Variants in SPSB4 observed in about 807,000 individuals in gnomAD.
SPSB4 encodes SPRY domain-containing SOCS box protein 4.
SPSB4 carries 21 observed loss-of-function variants against 20.9 expected under a neutral mutation model. The observed-to-expected ratio is 1.01, with a 90% CI of 0.71 to 1.45. SPSB4 has a LOEUF of 1.45. SPSB4 is among the 40% of genes most tolerant of loss of function. The pLI is 0.00. For missense variants in SPSB4, 399 were observed against 399.2 expected (o/e 1.00, Z 0.00); for synonymous variants, 207 against 183.8 (o/e 1.13, Z -1.02).
intron 2 of SPSB4, chr3:141,076,887 T>G (rs1210210855): frequency 6.6e-6 from 1 of 152,280 alleles, no homozygotes; most frequent in African/African-American, 2.4e-5. Context: ...CTCTGAACTC[T>G]TCTGACTTGC....
chr3:141,142,623 G>A (rs1490480044), intron 2 of SPSB4, among the ~76,000 whole-genome samples: 2 of 152,020 alleles, frequency 1.3e-5, no homozygotes, highest in Non-Finnish European at 2.9e-5. Context: ...GAACTGTCTA[G>A]TGCTGTCAGT....
chr3:141,141,903 G>T (rs1422726243), intron 2 of SPSB4, among the ~76,000 whole-genome samples: 1 of 151,916 alleles, frequency 6.6e-6, no homozygotes, highest in Non-Finnish European at 1.5e-5. Context: ...CTCCTGTTTT[G>T]TTTCTAATTG....
intron 2 of SPSB4, among the ~76,000 whole-genome samples, chr3:141,098,989 A>G (rs1048927825): frequency 2.0e-5 from 3 of 152,152 alleles, no homozygotes; most frequent in South Asian, 2.1e-4. Flanking sequence ...ATGGGGCCAG[A>G]CATCCTTTTA....
intron 2 of SPSB4, among the ~76,000 whole-genome samples, chr3:141,121,984 G>A (rs754296613): frequency 3.3e-5 from 5 of 152,164 alleles, no homozygotes; most frequent in Non-Finnish European, 7.3e-5. Context: ...TCCTTTAGAG[G>A]AGAAGAGACG....
intron 2 of SPSB4, among the ~76,000 whole-genome samples, chr3:141,124,846 A>G (rs1939026332): frequency 6.6e-6 from 1 of 152,138 alleles, no homozygotes; most frequent in Non-Finnish European, 1.5e-5. Flanking sequence ...GTGTATTAGA[A>G]TCACTCAGAT....
At chr3:141,113,657 G>A (rs1230001543) in intron 2 of SPSB4, among the ~76,000 whole-genome samples, 1 of 152,182 alleles carries the variant, frequency 6.6e-6, no homozygotes, top group East Asian at 1.9e-4. Flanking sequence ...GGTTTCCAGG[G>A]TCTGGGGAAT....
At chr3:141,086,327 C>T (rs1398279372) in intron 2 of SPSB4, among the ~76,000 whole-genome samples, 1 of 152,172 alleles carries the variant, frequency 6.6e-6, no homozygotes, top group Non-Finnish European at 1.5e-5. Flanking sequence ...CAATTAGGTG[C>T]AGAGTTTATG....
At chr3:141,058,823 A>T (rs1309042114) in intron 1 of SPSB4, among the ~76,000 whole-genome samples, 2 of 152,156 alleles carry the variant, frequency 1.3e-5, no homozygotes, top group African/African-American at 4.8e-5. Flanking sequence ...GCTGCTCAGG[A>T]GTGAGAGTCC....
At chr3:141,072,862 A>G (rs1403073835) in intron 2 of SPSB4, among the ~76,000 whole-genome samples, 2 of 152,256 alleles carry the variant, frequency 1.3e-5, no homozygotes, top group Admixed American at 6.5e-5. Context: ...TTGTCTTTCC[A>G]GAGACATTTG....
intron 2 of SPSB4, among the ~76,000 whole-genome samples, chr3:141,113,011 C>T (rs117058846): frequency 6.6e-6 from 1 of 152,298 alleles, no homozygotes; most frequent in East Asian, 1.9e-4. Flanking sequence ...GCTGTTCTCC[C>T]ATCTTCTTTG....
Position 141,066,740 on chromosome 3 carries a change from G to A in SPSB4, c.636G>A (p.Val212=). The A allele has an allele frequency of 1.9e-6, 3 of 1,601,934 alleles. No individual in the cohort carries two copies. The highest frequency in any genetic ancestry group is 2.6e-6 in the Non-Finnish European group (3 of 1,173,704). ...TCAAGGGCAAGAAGCTGTACCCGGT[G>A]GTGAGTGCCGTGTGGGGCCACTGTG... ...RGLKGKKLYP[V]VSAVWGHCEV... The change falls in exon 2 of 3, where the codon GTG becomes GTA. Residue 212 remains valine (V), a synonymous_variant. Transcript: ENST00000310546.
At chr3:141,135,129 A>G (rs1317105281) in intron 2 of SPSB4, among the ~76,000 whole-genome samples, 2 of 151,842 alleles carry the variant, frequency 1.3e-5, no homozygotes, top group Non-Finnish European at 2.9e-5. Flanking sequence ...TTCCATCACC[A>G]TAGATTAGTT....
chr3:141,132,186 G>A (rs1467360508), intron 2 of SPSB4: 2 of 318,500 alleles, frequency 6.3e-6, no homozygotes, highest in Non-Finnish European at 1.2e-5. Context: ...TTTTTTTTTT[G>A]AGATGGAGTC....
At chr3:141,133,400 T>G (rs1043660097) in intron 2 of SPSB4, among the ~76,000 whole-genome samples, 2 of 152,238 alleles carry the variant, frequency 1.3e-5, no homozygotes, top group Non-Finnish European at 2.9e-5. Context: ...TTTCCTGTTA[T>G]CTTCTAGAAT....
At chr3:141,143,753 G>A (rs1266522454) in intron 2 of SPSB4, among the ~76,000 whole-genome samples, 1 of 152,224 alleles carries the variant, frequency 6.6e-6, no homozygotes, top group African/African-American at 2.4e-5. Context: ...CCTCCAGCCA[G>A]GAGGTGGTGC....
chr3:141,136,754 A>T (rs1033105971), intron 2 of SPSB4, among the ~76,000 whole-genome samples: 6 of 152,180 alleles, frequency 3.9e-5, no homozygotes, highest in Non-Finnish European at 7.3e-5. Context: ...CTTGTAGAAT[A>T]GTTTGAAGTG....
intron 1 of SPSB4, among the ~76,000 whole-genome samples, chr3:141,065,134 G>C (rs1027746908): frequency 1.3e-5 from 2 of 152,138 alleles, no homozygotes; most frequent in Admixed American, 6.5e-5. Context: ...AGGCTAGGAG[G>C]CTTTCCTGTG....
chr3:141,135,966 A>G (rs1939220976), intron 2 of SPSB4, among the ~76,000 whole-genome samples: 2 of 152,168 alleles, frequency 1.3e-5, no homozygotes, highest in African/African-American at 2.4e-5. Flanking sequence ...CCAACAGTGT[A>G]AAAGTGTTCC....
chr3:141,070,911 T>C (rs992379910), intron 2 of SPSB4, among the ~76,000 whole-genome samples: 1 of 152,194 alleles, frequency 6.6e-6, no homozygotes, highest in African/African-American at 2.4e-5. Context: ...GAGCATCTGC[T>C]CCATCTGGCT....
Sources: allele counts gnomAD v4.1 joint callset (sites outside exome capture counted in the v4.1 genomes callset), GRCh38; gene constraint gnomAD v4.1.1; transcripts MANE v1.5; gene names NCBI Gene and HGNC (gene_info 2026-07-23, HGNC 2026-07-21).